IGF1R: variants seen among roughly 807,000 people sequenced by gnomAD.
IGF1R encodes insulin-like growth factor 1 receptor.
Under a neutral mutation model 144.6 loss-of-function variants are expected in IGF1R, and 44 were observed. The ratio of observed to expected loss-of-function variants is 0.30; its 90% CI spans 0.24 to 0.39. IGF1R has a LOEUF of 0.39. Ranked by LOEUF, IGF1R falls within the 10% of genes least tolerant of loss-of-function variation. The pLI, the probability that IGF1R is intolerant of heterozygous loss-of-function variation, is 1.00. For synonymous variants in IGF1R, 795 were observed against 722.8 expected, an observed-to-expected ratio of 1.10 and a Z score of -1.60; for missense variants, 1,355 against 1,833.7, an observed-to-expected ratio of 0.74 and a Z score of 4.77.
chr15:98,947,726 C>G (rs1050048110), intron 19 of IGF1R, among the ~76,000 whole-genome samples: 3 of 152,182 alleles, frequency 2.0e-5, no homozygotes, highest in African/African-American at 7.2e-5. Flanking sequence ...CAGAATTGCT[C>G]ACTACAAAGT....
intron 10 of IGF1R, among the ~76,000 whole-genome samples, chr15:98,921,517 G>T (rs1318191778): frequency 6.6e-6 from 1 of 152,128 alleles, no homozygotes; most frequent in Non-Finnish European, 1.5e-5. Context: ...GCCTGGGTGG[G>T]CTCCAGGGAC....
intron 17 of IGF1R, 51 bp from the exon 18 acceptor site, chr15:98,939,150 G>A (rs80225452): frequency 6.5e-7 from 1 of 1,531,270 alleles, no homozygotes; most frequent in African/African-American, 1.4e-5. Context: ...AAATTGGCAT[G>A]GAAAAAAAAA....
At chr15:98,795,200 A>C (rs1353822064) in intron 2 of IGF1R, among the ~76,000 whole-genome samples, 2 of 152,230 alleles carry the variant, frequency 1.3e-5, no homozygotes. Context: ...ATTTTTCTTT[A>C]AAGTTCAAAA....
At chr15:98,938,354 G>C (rs915679602) in intron 17 of IGF1R, among the ~76,000 whole-genome samples, 2 of 152,196 alleles carry the variant, frequency 1.3e-5, no homozygotes, top group Non-Finnish European at 2.9e-5. Context: ...TGTTGCACTT[G>C]TATATGCAAA....
chr15:98,671,341 C>T (rs2052885582), intron 1 of IGF1R, among the ~76,000 whole-genome samples: 1 of 152,190 alleles, frequency 6.6e-6, no homozygotes. Flanking sequence ...CCAGATTCAA[C>T]ATTGGGAAAG....
intron 1 of IGF1R, among the ~76,000 whole-genome samples, chr15:98,658,523 A>G (rs1191350988): frequency 6.6e-6 from 1 of 152,240 alleles, no homozygotes; most frequent in Non-Finnish European, 1.5e-5. Context: ...TAGGTTTTTT[A>G]AATTGAAATA....
At chr15:98,925,361 GGGCCACATACTTGTTGTTT>G (rs1172769194) in intron 13 of IGF1R, among the ~76,000 whole-genome samples, 1 of 152,218 alleles carries the variant, frequency 6.6e-6, no homozygotes, top group Admixed American at 6.5e-5. Context: ...AGCGCAACAA[GGGCCACATACTTGTTGTTT>G]GACCAACAAA....
At chr15:98,651,296 G>A (rs1359674125) in intron 1 of IGF1R, among the ~76,000 whole-genome samples, 1 of 152,212 alleles carries the variant, frequency 6.6e-6, no homozygotes, top group Non-Finnish European at 1.5e-5. Flanking sequence ...CGTGGTTCGC[G>A]TGTTTACTGC....
intron 6 of IGF1R, among the ~76,000 whole-genome samples, chr15:98,910,534 C>T (rs2014964200): frequency 1.3e-5 from 2 of 152,192 alleles, no homozygotes; most frequent in Non-Finnish European, 2.9e-5. Context: ...GGCGAAAGGA[C>T]AATTCGTCAG....
At chr15:98,734,537 C>G (rs1286683321) in intron 2 of IGF1R, among the ~76,000 whole-genome samples, 1 of 152,224 alleles carries the variant, frequency 6.6e-6, no homozygotes, top group East Asian at 1.9e-4. Flanking sequence ...AGTAAAGTCA[C>G]TGACCCCGAA....
chr15:98,824,914 G>A (rs941655290), intron 2 of IGF1R, among the ~76,000 whole-genome samples: 6 of 151,212 alleles, frequency 4.0e-5, no homozygotes, highest in African/African-American at 7.3e-5. Context: ...TCGGCTCACT[G>A]CAACCTCTGC....
chr15:98,941,750 A>G (rs2151717407), intron 18 of IGF1R, among the ~76,000 whole-genome samples: 1 of 152,350 alleles, frequency 6.6e-6, no homozygotes, highest in African/African-American at 2.4e-5. Flanking sequence ...TGTTGGTTCA[A>G]GTCCAAGGAA....
chr15:98,706,821 T>C (rs80228821), intron 1 of IGF1R, among the ~76,000 whole-genome samples: 7,050 of 123,254 alleles, frequency 0.057, 450 homozygotes, highest in African/African-American at 0.16. Context: ...TTGATGATTT[T>C]TACTGGTTTT....
rs56248469 is a variant in IGF1R at position 98,913,238 on chromosome 15, G to C, written c.1784G>C (p.Arg595Pro). Residue 595 changes from arginine (R) to proline (P), a missense_variant, in exon 8 of 21, where the codon CGT becomes CCT. Arg to Pro is a moderately radical substitution (Grantham distance 103). Around this residue, in one of 7 missense-constraint regions of IGF1R, gnomAD observed 880 missense variants for 1,202.7 expected, o/e 0.73. Transcript: ENST00000650285. ...ACCATGGTGGAGAACGACCATATCC[G>C]TGGGGCCAAGAGTGAGATCTTGTAC... Reference protein sequence around the residue: ...TLTMVENDHIRGAKSEILYIR... With the variant: ...TLTMVENDHIPGAKSEILYIR... 1 of 1,614,022 alleles carries C rather than the reference G, an allele frequency of 6.2e-7. No individual in the cohort carries two copies. Among genetic ancestry groups the C allele is most frequent in the African/African-American group, 1.3e-5 (1 of 74,936 alleles).
At chr15:98,956,977 G>C in intron 20 of IGF1R, 84 bp from the exon 21 acceptor site, 1 of 1,477,448 alleles carries the variant, frequency 6.8e-7, no homozygotes, top group Non-Finnish European at 9.4e-7. Flanking sequence ...TTGTATGCGG[G>C]AAACCACTGC....
At chr15:98,871,116 G>C (rs1178349675) in intron 2 of IGF1R, among the ~76,000 whole-genome samples, 1 of 152,218 alleles carries the variant, frequency 6.6e-6, no homozygotes, top group Non-Finnish European at 1.5e-5. Context: ...CAGATATCCA[G>C]CCCACTGATC....
intron 2 of IGF1R, among the ~76,000 whole-genome samples, chr15:98,762,813 C>T (rs1273732327): frequency 1.3e-5 from 2 of 149,832 alleles, no homozygotes; most frequent in Non-Finnish European, 3.0e-5. Flanking sequence ...TTTAGGAGGC[C>T]GAGGCGGGCC....
At chr15:98,911,963 CA>C (rs1279805668) in intron 7 of IGF1R, among the ~76,000 whole-genome samples, 1 of 152,168 alleles carries the variant, frequency 6.6e-6, no homozygotes, top group East Asian at 1.9e-4. Context: ...GGAGAGAGAA[CA>C]ACCTTCATGT....
intron 2 of IGF1R, among the ~76,000 whole-genome samples, chr15:98,824,986 G>A (rs962954227): frequency 2.0e-5 from 3 of 151,866 alleles, no homozygotes; most frequent in Admixed American, 6.6e-5. Flanking sequence ...ACAGGCACGC[G>A]CCATCACACC....
Sources: gnomAD v4.1 joint callset for allele counts (sites outside exome capture counted in the v4.1 genomes callset) on GRCh38, gnomAD v4.1.1 for gene constraint, gnomAD v4.1.1 regional missense constraint, MANE v1.5 for transcripts, NCBI Gene and HGNC (gene_info 2026-07-23, HGNC 2026-07-21) for gene names.